The following GNG5 variants were observed in gnomAD, a reference collection of about 807,000 sequenced individuals.
GNG5 encodes G protein subunit gamma 5.
Under a neutral mutation model 6.2 loss-of-function variants are expected in GNG5, and 2 were observed. The ratio of observed to expected loss-of-function variants is 0.32; its 90% CI spans 0.13 to 1.01. The LOEUF is 1.01. GNG5 is among the 50% of genes least tolerant of loss of function. The probability of loss-of-function intolerance (pLI) is 0.48; values close to 1 mark genes in which losing one functional copy is unlikely to be tolerated. For missense variants in GNG5, 57 were observed against 80.2 expected, an observed-to-expected ratio of 0.71 and a Z score of 1.10; for synonymous variants, 24 against 33.0, an observed-to-expected ratio of 0.73 and a Z score of 0.93.
chr1:84,506,345 G>C (rs1455036624), intron 1 of GNG5, 44 bp from the exon 2 acceptor site: 1 of 367,882 alleles, frequency 2.7e-6, no homozygotes, highest in African/African-American at 2.1e-5. Flanking sequence ...CGGTGGGCGC[G>C]GCGGCTGCTG....
At chr1:84,504,507 G>A (rs1323743790) in intron 2 of GNG5, among the ~76,000 whole-genome samples, 2 of 152,126 alleles carry the variant, frequency 1.3e-5, no homozygotes, top group East Asian at 1.9e-4. Flanking sequence ...TTTCTTTGGA[G>A]ACTAAAGATG....
At position 84,506,044 on chromosome 1, in the gene GNG5, C is replaced by T. The variant is rs141623857; in HGVS notation, c.48G>A (p.Gln16=). Residue 16 remains glutamine (Q), a synonymous_variant, in exon 2 of 4, where the codon CAG becomes CAA. Coordinates refer to ENST00000370645, the MANE Select transcript of GNG5 (RefSeq NM_005274.3). The stretch of plus-strand genomic sequence containing the variant: ...GGTTGAGTCCGGCCTCCAGCCGGAG[C>T]TGTTGAACCACTTTCTTCATAGCGG... ...SVAAMKKVVQ[Q]LRLEAGLNRV... The T allele has an allele frequency of 5.7e-4, 904 of 1,575,866 alleles. 1 individual carries two copies. The highest frequency in any genetic ancestry group is 7.1e-4 in the Non-Finnish European group (827 of 1,163,372).
Position 84,506,143 on chromosome 1 carries a change from G to T in GNG5, c.-52C>A, listed in dbSNP as rs1332114332. The T allele has an allele frequency of 2.0e-6, 3 of 1,487,656 alleles. No homozygotes were observed. Among genetic ancestry groups the T allele is most frequent in the African/African-American group, 1.4e-5 (1 of 69,324 alleles). The allele number at this position is 1,487,656 out of a possible 1,614,324, so 92.2% of individuals were successfully genotyped here. On this transcript the variant is annotated 5_prime_UTR_variant, in exon 2 of 4. Transcript: ENST00000370645. The stretch of plus-strand genomic sequence containing the variant: ...GTGGGTCGGTGGGTCGTGGGCCGTG[G>T]GTCGGCGGGGCCAGACAACTCAGCG...
rs1161018784 is a variant in GNG5 at position 84,498,457 on chromosome 1, T to C, written c.*111A>G. The C allele has an allele frequency of 6.5e-6, 1 of 152,768 alleles. No homozygotes were observed. The highest frequency in any genetic ancestry group is 6.5e-5 in the Admixed American group (1 of 15,270). The allele number at this position is 152,768 out of a possible 1,614,324, so 9.5% of individuals were successfully genotyped here. Reference sequence around the variant, plus strand: ...GACGAAAGTAGAAGTTTGTATATTATGGCACATGTGTTACAGGGATAAGCT... The same window carrying C: ...GACGAAAGTAGAAGTTTGTATATTACGGCACATGTGTTACAGGGATAAGCT... On this transcript the variant is annotated 3_prime_UTR_variant, in exon 4 of 4. Coordinates refer to ENST00000370645, the MANE Select transcript of GNG5 (RefSeq NM_005274.3).
chr1:84,499,130 CTA>C (rs1371896168), intron 3 of GNG5, among the ~76,000 whole-genome samples: 1 of 151,682 alleles, frequency 6.6e-6, no homozygotes, highest in Admixed American at 6.6e-5. Context: ...AGAGTATAAA[CTA>C]AAAGATTTAA....
chr1:84,506,150 G>T lies in GNG5; in HGVS notation c.-59C>A, dbSNP rs11163985. 39 of 1,446,716 alleles carry T rather than the reference G, an allele frequency of 2.7e-5. No homozygotes were observed. The highest frequency in any genetic ancestry group is 6.3e-5 in the Admixed American group (3 of 47,486). 89.6% of individuals were successfully genotyped at this position (1,446,716 alleles called of 1,614,324 possible). A position where few individuals can be genotyped will look rare whatever the true frequency, so the allele number is the denominator to read the frequency against. ...GGTGGGTCGTGGGCCGTGGGTCGGC[G>T]GGGCCAGACAACTCAGCGGCGCGCG... is the stretch of plus-strand genomic sequence containing the variant. On this transcript the variant is annotated 5_prime_UTR_variant, in exon 2 of 4. Transcript: ENST00000370645.
chr1:84,505,627 A>T (rs1682172621), intron 2 of GNG5, among the ~76,000 whole-genome samples: 1 of 152,234 alleles, frequency 6.6e-6, no homozygotes, highest in Admixed American at 6.5e-5. Context: ...GTCCGATGAG[A>T]AACAGGAGGC....
Position 84,506,461 on chromosome 1 carries a change from G to A in GNG5, c.-236C>T, listed in dbSNP as rs1282317328. On this transcript the variant is annotated 5_prime_UTR_variant, in exon 1 of 4. Coordinates refer to ENST00000370645, the MANE Select transcript of GNG5 (RefSeq NM_005274.3). ...CGTTAGCCGCGAAGAACTAAGAGGG[G>A]GTCTGAAGAGGACCAGGGAGGGAAG... The A allele has an allele frequency of 1.2e-5, 2 of 161,814 alleles. No individual in the cohort carries two copies. The highest frequency in any genetic ancestry group is 2.7e-5 in the Non-Finnish European group (2 of 74,024). The allele number at this position is 161,814 out of a possible 1,614,324, so 10.0% of individuals were successfully genotyped here.
At chr1:84,498,959 CTG>C (rs1044665066) in intron 3 of GNG5, among the ~76,000 whole-genome samples, 13 of 152,164 alleles carry the variant, frequency 8.5e-5, no homozygotes, top group African/African-American at 3.1e-4. Context: ...AGGATACTGA[CTG>C]TATTAGTATT....
At chr1:84,502,349 G>T (rs1245270656) in intron 2 of GNG5, among the ~76,000 whole-genome samples, 1 of 151,736 alleles carries the variant, frequency 6.6e-6, no homozygotes, top group Non-Finnish European at 1.5e-5. Context: ...GGCCAGGATG[G>T]TCTCTCTCTC....
At chr1:84,503,160 A>G (rs1324884620) in intron 2 of GNG5, among the ~76,000 whole-genome samples, 1 of 152,248 alleles carries the variant, frequency 6.6e-6, no homozygotes, top group South Asian at 2.1e-4. Context: ...ATGAATGACT[A>G]AAACATGCCC....
rs1328095209 is a variant in GNG5, at chr1:84,506,101, G to T, written c.-10C>A. 19 of 1,571,232 alleles carry T rather than the reference G, an allele frequency of 1.2e-5. No individual in the cohort carries two copies. The highest frequency in any genetic ancestry group is 1.6e-5 in the Non-Finnish European group (19 of 1,160,248). On this transcript the variant is annotated 5_prime_UTR_variant, in exon 2 of 4. Coordinates refer to ENST00000370645, the MANE Select transcript of GNG5 (RefSeq NM_005274.3). ...TGGAGGAGCCAGACATGGTGCACGC[G>T]ACGGCCGGGCCGATTCGTGGGTCGG... is the stretch of plus-strand genomic sequence containing the variant.
chr1:84,506,126 G>A lies in GNG5; in HGVS notation c.-35C>T, dbSNP rs764872293. 3.9e-6 allele frequency: 6 copies of A among 1,557,570 alleles called. No individual in the cohort carries two copies. The South Asian group carries it at 7.0e-5, about 18-fold the overall frequency. On this transcript the variant is annotated 5_prime_UTR_variant, in exon 2 of 4. Coordinates refer to ENST00000370645, the MANE Select transcript of GNG5 (RefSeq NM_005274.3). Reference sequence around the variant, plus strand: ...GACGGCCGGGCCGATTCGTGGGTCGGTGGGTCGTGGGCCGTGGGTCGGCGG... The same window carrying A: ...GACGGCCGGGCCGATTCGTGGGTCGATGGGTCGTGGGCCGTGGGTCGGCGG...
rs537092888 is a variant in GNG5, at chr1:84,505,990, C to G, written c.81+21G>C. 3 of 1,475,808 alleles carry G rather than the reference C, an allele frequency of 2.0e-6. No individual in the cohort carries two copies. The East Asian group carries it at 8.9e-5, about 44-fold the overall frequency. The allele number at this position is 1,475,808 out of a possible 1,614,324, so 91.4% of individuals were successfully genotyped here. On this transcript the variant is annotated intron_variant, in intron 2 of 3. Coordinates refer to ENST00000370645, the MANE Select transcript of GNG5 (RefSeq NM_005274.3). ...CGCCGCCGCCGCCTTCCTCCCGCCT[C>G]GGCCGCCCGCCCCCGCTCACTTTTA...
chr1:84,499,369 T>A (rs1311749537), intron 3 of GNG5, among the ~76,000 whole-genome samples: 2 of 152,168 alleles, frequency 1.3e-5, no homozygotes, highest in African/African-American at 4.8e-5. Context: ...GAAAAAACAT[T>A]CTCATGTTTC....
chr1:84,506,362 A>T (rs1570367078), intron 1 of GNG5, 61 bp from the exon 2 acceptor site: 1 of 339,788 alleles, frequency 2.9e-6, no homozygotes, highest in African/African-American at 2.2e-5. Context: ...GCTGGAGGCT[A>T]GCGCGACCCG....
At chr1:84,500,560 T>G (rs953534061) in intron 3 of GNG5, among the ~76,000 whole-genome samples, 6 of 152,136 alleles carry the variant, frequency 3.9e-5, no homozygotes, top group Non-Finnish European at 7.4e-5. Flanking sequence ...AATATGAAAC[T>G]TCCAAAAACT....
intron 3 of GNG5, among the ~76,000 whole-genome samples, chr1:84,501,429 A>C (rs1030099526): frequency 5.9e-5 from 9 of 152,212 alleles, no homozygotes; most frequent in African/African-American, 1.9e-4. Flanking sequence ...ACTTTAAGTT[A>C]TCCCCATAAA....
At chr1:84,500,874 A>G (rs1435867251) in intron 3 of GNG5, among the ~76,000 whole-genome samples, 3 of 152,214 alleles carry the variant, frequency 2.0e-5, no homozygotes, top group Non-Finnish European at 4.4e-5. Flanking sequence ...GAAGTCAGAA[A>G]GTTAGTAAGG....
Sources: allele counts gnomAD v4.1 joint callset (sites outside exome capture counted in the v4.1 genomes callset), GRCh38; gene constraint gnomAD v4.1.1; transcripts MANE v1.5; gene names NCBI Gene and HGNC (gene_info 2026-07-23, HGNC 2026-07-21).